Variants in PAK1 observed in about 807,000 individuals in gnomAD.
The protein encoded by PAK1 is p21 (RAC1) activated kinase 1, also known as serine/threonine-protein kinase PAK 1.
Under a neutral mutation model 67.4 loss-of-function variants are expected in PAK1, and 29 were observed. The ratio of observed to expected loss-of-function variants is 0.43; its 90% CI spans 0.32 to 0.59. PAK1 has a LOEUF of 0.59. Ranked by LOEUF, PAK1 falls within the 20% of genes least tolerant of loss-of-function variation. The probability of loss-of-function intolerance (pLI) is 0.07; values close to 1 mark genes in which losing one functional copy is unlikely to be tolerated. For synonymous variants in PAK1, 223 were observed against 237.4 expected (o/e 0.94, Z 0.56); for missense variants, 337 against 670.7 (o/e 0.50, Z 5.50).
intron 5 of PAK1, among the ~76,000 whole-genome samples, chr11:77,363,935 G>A (rs1210653546): frequency 6.6e-6 from 1 of 152,252 alleles, no homozygotes; most frequent in Non-Finnish European, 1.5e-5. Context: ...AAGTGTGGGG[G>A]TTCCATCAGG....
chr11:77,415,685 TG>T (rs1023486475), intron 1 of PAK1, among the ~76,000 whole-genome samples: 16 of 152,086 alleles, frequency 1.1e-4, no homozygotes, highest in Non-Finnish European at 2.1e-4. Flanking sequence ...GAAGTTTCTC[TG>T]GGTGAGTCAG....
At chr11:77,514,863 G>C in the PAK1 span, 39 of 13,830 alleles carry the variant, frequency 2.8e-3, no homozygotes, top group East Asian at 0.05. Flanking sequence ...CAGACTCTAA[G>C]GCTCAGAGAC....
chr11:77,489,416 TCCTCTCTCTCTCCC>T, the PAK1 span, among the ~76,000 whole-genome samples: 1 of 149,888 alleles, frequency 6.7e-6, no homozygotes, highest in Non-Finnish European at 1.5e-5. Flanking sequence ...CTCTCCTCTC[TCCTCTCTCTCTCCC>T]CTCTCCCCTC....
intron 1 of PAK1, among the ~76,000 whole-genome samples, chr11:77,394,912 T>C (rs1951651860): frequency 6.6e-6 from 1 of 152,130 alleles, no homozygotes; most frequent in Admixed American, 6.5e-5. Flanking sequence ...TGTTTTTAGC[T>C]TGCTTTTAGA....
At chr11:77,348,460 A>G (rs1944758319) in intron 9 of PAK1, among the ~76,000 whole-genome samples, 1 of 152,188 alleles carries the variant, frequency 6.6e-6, no homozygotes, top group Non-Finnish European at 1.5e-5. Flanking sequence ...GAGGGACAAA[A>G]AGCTGCCTCC....
chr11:77,529,830 T>C, the PAK1 span: 1 of 152,202 alleles, frequency 6.6e-6, no homozygotes, highest in Non-Finnish European at 1.5e-5. Flanking sequence ...GCACTGCACA[T>C]GGTTTTGAAT....
chr11:77,359,389 G>T (rs902083851), intron 5 of PAK1, among the ~76,000 whole-genome samples: 9 of 152,176 alleles, frequency 5.9e-5, no homozygotes, highest in African/African-American at 2.2e-4. Context: ...AGTATGAAAT[G>T]TAGGGAAGAG....
chr11:77,520,768 TG>T, the PAK1 span, among the ~76,000 whole-genome samples: 5 of 152,282 alleles, frequency 3.3e-5, no homozygotes, highest in East Asian at 9.7e-4. Context: ...TACAGAAAGA[TG>T]AATGGCTACT....
the PAK1 span, among the ~76,000 whole-genome samples, chr11:77,526,700 G>A: frequency 1.3e-5 from 2 of 152,226 alleles, no homozygotes; most frequent in South Asian, 2.1e-4. Flanking sequence ...GGCGGATCAC[G>A]AGGTCAGGAG....
chr11:77,359,144 G>C (rs1163264072), intron 5 of PAK1, 127 bp from the exon 6 acceptor site: 10 of 789,116 alleles, frequency 1.3e-5, no homozygotes, highest in Admixed American at 2.6e-5. Flanking sequence ...TAGCCTCCAA[G>C]CTCTCACCTT....
At chr11:77,356,044 A>G in intron 6 of PAK1, 1 of 481,152 alleles carries the variant, frequency 2.1e-6, no homozygotes, top group Non-Finnish European at 3.7e-6. Flanking sequence ...CACTGTAAAC[A>G]AAAGAAGTGA....
chr11:77,400,274 G>A (rs1372123365), intron 1 of PAK1, among the ~76,000 whole-genome samples: 1 of 152,176 alleles, frequency 6.6e-6, no homozygotes, highest in African/African-American at 2.4e-5. Flanking sequence ...GGACTAAAAT[G>A]GGAGACTGAA....
intron 1 of PAK1, among the ~76,000 whole-genome samples, chr11:77,418,005 G>A (rs1439386460): frequency 1.3e-5 from 2 of 151,838 alleles, no homozygotes; most frequent in Non-Finnish European, 2.9e-5. Context: ...CAAAGTGCTG[G>A]GATTACAGGC....
chr11:77,407,383 G>A (rs375388383), intron 1 of PAK1, among the ~76,000 whole-genome samples: 3 of 152,284 alleles, frequency 2.0e-5, no homozygotes, highest in Admixed American at 6.5e-5. Context: ...ACGGAGGATT[G>A]AGGTTCAATC....
intron 9 of PAK1, 47 bp from the exon 10 acceptor site, chr11:77,343,978 T>C: frequency 8.0e-7 from 1 of 1,242,606 alleles, no homozygotes; most frequent in East Asian, 2.3e-5. Context: ...CATTCCCATT[T>C]ATTGAGCACC....
chr11:77,326,705 C>G (rs144917141), intron 14 of PAK1, among the ~76,000 whole-genome samples: 7 of 152,102 alleles, frequency 4.6e-5, no homozygotes, highest in Non-Finnish European at 2.9e-5. Flanking sequence ...AGCAGAAAAA[C>G]TGGAAACTCT....
At chr11:77,491,984 G>T in the PAK1 span, among the ~76,000 whole-genome samples, 1 of 152,092 alleles carries the variant, frequency 6.6e-6, no homozygotes, top group Non-Finnish European at 1.5e-5. Context: ...TGACAACAAA[G>T]GGCTGTAAAA....
At position 77,322,793 on chromosome 11, in the gene PAK1, C is replaced by T; in HGVS notation, c.*481G>A. ...TTCATGTCCCTGGCAGATTATCAAA[C>T]CCCATGGCATTCCCAAGCTGTTCCA... On this transcript the variant is annotated 3_prime_UTR_variant, in exon 15 of 15. Transcript: ENST00000356341. The T allele has an allele frequency of 2.7e-6, 1 of 372,424 alleles. No individual in the cohort carries two copies. The highest frequency in any genetic ancestry group is 4.9e-6 in the Non-Finnish European group (1 of 204,552). 23.1% of individuals were successfully genotyped at this position (372,424 alleles called of 1,614,324 possible). A position where few individuals can be genotyped will look rare whatever the true frequency, so the allele number is the denominator to read the frequency against.
intron 1 of PAK1, among the ~76,000 whole-genome samples, chr11:77,454,994 C>T (rs1054793235): frequency 6.6e-6 from 1 of 152,194 alleles, no homozygotes; most frequent in Non-Finnish European, 1.5e-5. Flanking sequence ...CCCTTTCTCT[C>T]TCTCTCTCTG....
Sources: allele counts gnomAD v4.1 joint callset (sites outside exome capture counted in the v4.1 genomes callset), GRCh38; gene constraint gnomAD v4.1.1; transcripts MANE v1.5; gene names NCBI Gene and HGNC (gene_info 2026-07-23, HGNC 2026-07-21).